Variants in CPA4 observed in about 807,000 individuals in gnomAD.
The protein encoded by CPA4 is carboxypeptidase A3.
CPA4 carries 49 observed loss-of-function variants against 54.7 expected under a neutral mutation model. That is an observed-to-expected ratio of 0.90 (90% CI 0.71 to 1.14). The LOEUF (loss-of-function observed/expected upper bound fraction) is 1.14, where lower values mean the gene tolerates loss of function less well. Ranked by LOEUF, CPA4 falls within the 50% of genes most tolerant of loss-of-function variation. The pLI is 0.00. For synonymous variants in CPA4, 215 were observed against 206.8 expected, an observed-to-expected ratio of 1.04 and a Z score of -0.34; for missense variants, 487 against 525.1, an observed-to-expected ratio of 0.93 and a Z score of 0.71.
Position 130,308,311 on chromosome 7 carries a change from G to T in CPA4, c.707G>T (p.Arg236Leu). 1 of 1,613,978 alleles carries T rather than the reference G, an allele frequency of 6.2e-7. No homozygotes were observed. The highest frequency in any genetic ancestry group is 2.2e-5 in the East Asian group (1 of 44,894). The change falls in exon 8 of 11, where the codon CGA (arginine) becomes CTA (leucine). Residue 236 changes from arginine to leucine, a missense_variant. Coordinates refer to ENST00000222482, the MANE Select transcript of CPA4 (RefSeq NM_016352.4). ...CCTCCTTGGTGGCTTTTTCAGAACC[G>T]ATTATGGAGGAAGACGCGGTCCCGA... Reference protein sequence around the residue: ...DGYVYTQTQNRLWRKTRSRNP... With the variant: ...DGYVYTQTQNLLWRKTRSRNP...
chr7:130,324,135 A>C lies in CPA4; in HGVS notation c.*1459A>C, dbSNP rs568954005. The C allele has an allele frequency of 1.3e-5, 2 of 152,608 alleles. No individual in the cohort carries two copies. The highest frequency in any genetic ancestry group is 2.9e-5 in the Non-Finnish European group (2 of 68,044). The allele number at this position is 152,608 out of a possible 1,614,324, so 9.5% of individuals were successfully genotyped here. On this transcript the variant is annotated 3_prime_UTR_variant, in exon 11 of 11. Transcript: ENST00000222482. ...ACCTCCTGCCTAGGATTTGTACAGC[A>C]TCTGGTGTGTGCTTATAAGCCAATA...
chr7:130,295,359 C>T (rs927722330), intron 1 of CPA4, among the ~76,000 whole-genome samples: 1 of 152,172 alleles, frequency 6.6e-6, no homozygotes, highest in Non-Finnish European at 1.5e-5. Flanking sequence ...ATGGCAGCAG[C>T]TGGACGCCCT....
intron 5 of CPA4, 111 bp from the exon 6 acceptor site, chr7:130,305,705 A>G (rs1793808372): frequency 4.8e-6 from 4 of 826,130 alleles, no homozygotes; most frequent in Non-Finnish European, 8.0e-6. Flanking sequence ...GGAACATTTG[A>G]TCTCTGAATT....
intron 10 of CPA4, among the ~76,000 whole-genome samples, chr7:130,318,857 C>T (rs944245551): frequency 2.4e-4 from 36 of 152,286 alleles, no homozygotes; most frequent in Non-Finnish European, 8.8e-5. Context: ...CATACACAGT[C>T]GACGTTTGTC....
Position 130,324,053 on chromosome 7 carries a change from T to TTTGTTG in CPA4, c.*1383_*1388dup, listed in dbSNP as rs35083570. ...CACCTCAGCACGTACCATCTGTCCT[T>TTTGTTG]TTGTTGTTGTTTTGTTTTTGTTTTT... On this transcript the variant is annotated 3_prime_UTR_variant, in exon 11 of 11. Transcript: ENST00000222482. 2.2e-4 allele frequency: 33 copies of TTTGTTG among 152,446 alleles called. No homozygotes were observed. Among genetic ancestry groups the TTTGTTG allele is most frequent in the Admixed American group, 6.6e-4 (10 of 15,264 alleles). 9.4% of individuals were successfully genotyped at this position (152,446 alleles called of 1,614,324 possible). A position where few individuals can be genotyped will look rare whatever the true frequency, so the allele number is the denominator to read the frequency against.
chr7:130,297,119 T>C (rs1793662329), intron 1 of CPA4, among the ~76,000 whole-genome samples: 1 of 151,946 alleles, frequency 6.6e-6, no homozygotes, highest in Non-Finnish European at 1.5e-5. Flanking sequence ...GCCCAGCTAA[T>C]TGTTTTTCAT....
intron 1 of CPA4, among the ~76,000 whole-genome samples, chr7:130,295,370 G>A (rs1793632143): frequency 1.3e-5 from 2 of 152,298 alleles, no homozygotes; most frequent in South Asian, 4.2e-4. Context: ...TGGACGCCCT[G>A]TCTATTGGAG....
intron 8 of CPA4, among the ~76,000 whole-genome samples, chr7:130,309,387 G>A (rs1377419022): frequency 1.3e-5 from 2 of 152,192 alleles, no homozygotes; most frequent in Non-Finnish European, 2.9e-5. Context: ...CAGAAGAGAG[G>A]AATTAGCACT....
chr7:130,297,128 A>AT (rs1215739085), intron 1 of CPA4, among the ~76,000 whole-genome samples: 3 of 151,520 alleles, frequency 2.0e-5, no homozygotes, highest in Non-Finnish European at 2.9e-5. Context: ...ATTGTTTTTC[A>AT]TTTTTTTGTA....
At chr7:130,313,805 G>T (rs1793949577) in intron 10 of CPA4, among the ~76,000 whole-genome samples, 1 of 152,184 alleles carries the variant, frequency 6.6e-6, no homozygotes, top group African/African-American at 2.4e-5. Context: ...CGGAGACAAA[G>T]ATATGTGTTG....
rs1336992495 is a variant in CPA4 at position 130,310,988 on chromosome 7, T to G, written c.993+2T>G. 2 of 1,613,072 alleles carry G rather than the reference T, an allele frequency of 1.2e-6. No individual in the cohort carries two copies. Among genetic ancestry groups the G allele is most frequent in the East Asian group, 4.5e-5 (2 of 44,878 alleles). ...AAGGCCCCAGATGCCGAGGAACTCG[T>G]GAGTCACAGCTGCCTCCCACCCAGC... On this transcript the variant is annotated splice_donor_variant, in intron 9 of 10. Transcript: ENST00000222482. LOFTEE classifies it high-confidence loss of function. The surrounding 1 kb of genome is among the most constrained non-coding windows in gnomAD (Gnocchi z 4.3).
At position 130,322,718 on chromosome 7, in the gene CPA4, T is replaced by G; in HGVS notation, c.*42T>G. On this transcript the variant is annotated 3_prime_UTR_variant, in exon 11 of 11. Transcript: ENST00000222482. Reference sequence around the variant, plus strand: ...GTCTACATTTATTTGTACCCACACGTGCACGCACTGAGGCCATTGTTAAAG... The same window carrying G: ...GTCTACATTTATTTGTACCCACACGGGCACGCACTGAGGCCATTGTTAAAG... 6.4e-7 allele frequency: 1 copy of G among 1,567,864 alleles called. No individual in the cohort carries two copies. Among genetic ancestry groups the G allele is most frequent in the Non-Finnish European group, 8.7e-7 (1 of 1,152,810 alleles).
chr7:130,316,360 G>GT (rs1158002000), intron 10 of CPA4, among the ~76,000 whole-genome samples: 2 of 152,182 alleles, frequency 1.3e-5, no homozygotes, highest in Admixed American at 6.5e-5. Flanking sequence ...TAAATTGTGT[G>GT]TTTTTTGCTA....
chr7:130,299,151 G>A, intron 2 of CPA4, 119 bp from the exon 3 acceptor site: 1 of 1,095,978 alleles, frequency 9.1e-7, no homozygotes, highest in Non-Finnish European at 1.4e-6. Flanking sequence ...CTTTGCCCTT[G>A]GGCAGAGCCT....
At position 130,310,143 on chromosome 7, in the gene CPA4, G is replaced by A. The variant is rs1005637787; in HGVS notation, c.794-644G>A. ...AAACCATTGGGGGAAAATAATGACT[G>A]TGGGAAAGGAACTGATACAAATGTG... On this transcript the variant is annotated intron_variant, in intron 8 of 10. Coordinates refer to ENST00000222482, the MANE Select transcript of CPA4 (RefSeq NM_016352.4). This position sits in a 1 kb window ranked among gnomAD's most constrained non-coding sequence, Gnocchi z 4.3. Among the ~76,000 whole-genome samples, 1 of 152,146 alleles carries A rather than the reference G, an allele frequency of 6.6e-6. No homozygotes were observed. Among genetic ancestry groups the A allele is most frequent in the African/African-American group, 2.4e-5 (1 of 41,410 alleles).
At chr7:130,312,915 T>A (rs1793935557) in intron 10 of CPA4, among the ~76,000 whole-genome samples, 1 of 151,970 alleles carries the variant, frequency 6.6e-6, no homozygotes, top group African/African-American at 2.4e-5. Flanking sequence ...ATGTTTCTGG[T>A]TGGAGGGGAG....
intron 1 of CPA4, among the ~76,000 whole-genome samples, chr7:130,296,262 C>T (rs978249227): frequency 3.3e-5 from 5 of 152,288 alleles, no homozygotes; most frequent in South Asian, 2.1e-4. Flanking sequence ...ACAGATGGAA[C>T]GGGCTTCACT....
intron 3 of CPA4, 66 bp from the exon 4 acceptor site, chr7:130,300,750 A>G: frequency 9.0e-7 from 1 of 1,106,710 alleles, no homozygotes; most frequent in Admixed American, 1.7e-5. Context: ...ATGCAAAGAT[A>G]TGGCAGAAAA....
rs561233742 is a variant in CPA4 at position 130,309,776 on chromosome 7, G to A, written c.794-1011G>A. The stretch of plus-strand genomic sequence containing the variant: ...TACTGATGGGTTGTTTGTTTGTTTT[G>A]TTTTGTTGAGACACGGTCGTGCTCT... On this transcript the variant is annotated intron_variant, in intron 8 of 10. Transcript: ENST00000222482. Among the ~76,000 whole-genome samples, 15 of 152,168 alleles carry A rather than the reference G, an allele frequency of 9.9e-5. No individual in the cohort carries two copies. The South Asian group carries it at 2.9e-3, about 30-fold the overall frequency.
Sources: allele counts gnomAD v4.1 joint callset (sites outside exome capture counted in the v4.1 genomes callset), GRCh38; gene constraint gnomAD v4.1.1; non-coding constraint Gnocchi (gnomAD v3.1); transcripts MANE v1.5; gene names NCBI Gene and HGNC (gene_info 2026-07-23, HGNC 2026-07-21).